Variants in PRKCE observed in about 807,000 individuals in gnomAD.
PRKCE encodes protein kinase C epsilon, also known as protein kinase C epsilon type.
Under a neutral mutation model 85.4 loss-of-function variants are expected in PRKCE, and 16 were observed. The ratio of observed to expected loss-of-function variants is 0.19; its 90% CI spans 0.13 to 0.28. PRKCE has a LOEUF of 0.28. Ranked by LOEUF, PRKCE falls within the 10% of genes least tolerant of loss-of-function variation. The pLI is 1.00. For missense variants in PRKCE, 573 were observed against 975.2 expected (o/e 0.59, Z 5.49); for synonymous variants, 388 against 371.5 (o/e 1.04, Z -0.51).
At chr2:46,010,826 C>G (rs1705609710) in intron 10 of PRKCE, 1 of 1,560,688 alleles carries the variant, frequency 6.4e-7, no homozygotes, top group Non-Finnish European at 8.6e-7. Context: ...TTAGTCCTTG[C>G]TCTGCTCCTA....
chr2:45,744,409 TTTC>T (rs1484790179), intron 1 of PRKCE, among the ~76,000 whole-genome samples: 5 of 150,660 alleles, frequency 3.3e-5, no homozygotes, highest in African/African-American at 9.8e-5. Context: ...CTCTCTTTCT[TTTC>T]TTTTCTTTCT....
chr2:45,974,739 A>C (rs371976226), intron 2 of PRKCE, among the ~76,000 whole-genome samples: 7 of 152,316 alleles, frequency 4.6e-5, no homozygotes, highest in Admixed American at 2.0e-4. Flanking sequence ...GAGGTCCAGG[A>C]GGGATCAATG....
At chr2:45,681,687 C>A (rs1022869522) in intron 1 of PRKCE, among the ~76,000 whole-genome samples, 1 of 152,158 alleles carries the variant, frequency 6.6e-6, no homozygotes, top group Non-Finnish European at 1.5e-5. Flanking sequence ...AGAGCTGGGG[C>A]TATTTCTTGG....
chr2:45,677,867 G>A (rs1676599031), intron 1 of PRKCE: 1 of 985,472 alleles, frequency 1.0e-6, no homozygotes, highest in Non-Finnish European at 1.2e-6. Context: ...TGAAAAAGAC[G>A]ATGGAAAGGC....
intron 6 of PRKCE, among the ~76,000 whole-genome samples, chr2:45,997,193 C>T (rs953908124): frequency 6.6e-6 from 1 of 152,052 alleles, no homozygotes; most frequent in Non-Finnish European, 1.5e-5. Flanking sequence ...TTTGTGTCTT[C>T]TCTTTCTCTC....
At chr2:45,927,497 A>G (rs1177148051) in intron 2 of PRKCE, among the ~76,000 whole-genome samples, 1 of 152,222 alleles carries the variant, frequency 6.6e-6, no homozygotes, top group Non-Finnish European at 1.5e-5. Context: ...AGCCACAGGC[A>G]TCCAGGTCTG....
At chr2:46,062,123 A>AGCCACCCAGCTTC (rs1667202296) in intron 10 of PRKCE, among the ~76,000 whole-genome samples, 2 of 151,856 alleles carry the variant, frequency 1.3e-5, no homozygotes, top group African/African-American at 4.8e-5. Flanking sequence ...CAGCCTCCCA[A>AGCCACCCAGCTTC]AGTGCTGGGA....
chr2:45,903,374 T>C (rs1207107181), intron 2 of PRKCE, among the ~76,000 whole-genome samples: 1 of 152,168 alleles, frequency 6.6e-6, no homozygotes, highest in Non-Finnish European at 1.5e-5. Context: ...TTTTCTTCAC[T>C]TGAGATACAG....
intron 14 of PRKCE, among the ~76,000 whole-genome samples, chr2:46,167,587 C>T (rs1678464536): frequency 6.6e-6 from 1 of 152,192 alleles, no homozygotes; most frequent in East Asian, 1.9e-4. Context: ...GAGGCGCCTG[C>T]AGGGGCGTCA....
At chr2:45,863,847 T>A (rs1693366909) in intron 2 of PRKCE, among the ~76,000 whole-genome samples, 1 of 151,754 alleles carries the variant, frequency 6.6e-6, no homozygotes, top group Non-Finnish European at 1.5e-5. Flanking sequence ...AGCTAGACAG[T>A]AGGGACGGGA....
chr2:45,837,001 A>G (rs181858872), intron 1 of PRKCE, among the ~76,000 whole-genome samples: 2 of 152,322 alleles, frequency 1.3e-5, no homozygotes, highest in Non-Finnish European at 2.9e-5. Context: ...ATCTCAGGCA[A>G]AAGTTGAACC....
At chr2:45,858,366 A>G (rs546130124) in intron 2 of PRKCE, among the ~76,000 whole-genome samples, 2 of 144,950 alleles carry the variant, frequency 1.4e-5, no homozygotes, top group African/African-American at 2.7e-5. Context: ...TTGTTTTAGA[A>G]ATGATGGGGT....
intron 2 of PRKCE, among the ~76,000 whole-genome samples, chr2:45,931,948 C>G (rs536302446): frequency 2.5e-4 from 38 of 152,222 alleles, no homozygotes; most frequent in African/African-American, 9.1e-4. Context: ...GACCTCTGAC[C>G]TCAGGTGACC....
intron 6 of PRKCE, among the ~76,000 whole-genome samples, chr2:45,999,677 T>C (rs1704509891): frequency 6.6e-6 from 1 of 152,162 alleles, no homozygotes; most frequent in African/African-American, 2.4e-5. Flanking sequence ...TCTGTCCTCA[T>C]TGTATCAAAT....
chr2:45,834,933 T>G (rs1360291007), intron 1 of PRKCE, among the ~76,000 whole-genome samples: 1 of 152,256 alleles, frequency 6.6e-6, no homozygotes, highest in Non-Finnish European at 1.5e-5. Context: ...CAGATTTAAA[T>G]AATTCAGCAG....
At chr2:45,784,345 C>G (rs1028460852) in intron 1 of PRKCE, among the ~76,000 whole-genome samples, 18 of 152,198 alleles carry the variant, frequency 1.2e-4, no homozygotes, top group African/African-American at 4.1e-4. Flanking sequence ...AGGTGTGGAA[C>G]CGAACCTGCC....
At chr2:46,047,757 A>T (rs529672794) in intron 10 of PRKCE, among the ~76,000 whole-genome samples, 1 of 152,340 alleles carries the variant, frequency 6.6e-6, no homozygotes, top group South Asian at 2.1e-4. Context: ...ACATAACTCA[A>T]AAGTGAATAC....
At chr2:45,719,150 A>T (rs1043349217) in intron 1 of PRKCE, among the ~76,000 whole-genome samples, 4 of 152,240 alleles carry the variant, frequency 2.6e-5, no homozygotes, top group Non-Finnish European at 5.9e-5. Context: ...CGGTGCTAGG[A>T]TGGGCACTGT....
intron 1 of PRKCE, among the ~76,000 whole-genome samples, chr2:45,773,347 A>G (rs6759058): frequency 0.68 from 103,037 of 152,040 alleles, 35,249 homozygotes; most frequent in East Asian, 0.83. Flanking sequence ...TGATGGCCGA[A>G]GTAGTGACAG....
Sources: allele counts gnomAD v4.1 joint callset (sites outside exome capture counted in the v4.1 genomes callset), GRCh38; gene constraint gnomAD v4.1.1; transcripts MANE v1.5; gene names NCBI Gene and HGNC (gene_info 2026-07-23, HGNC 2026-07-21).